Variants in AAAS observed in about 807,000 individuals in gnomAD.
The protein encoded by AAAS is aladin.
AAAS carries 60 observed loss-of-function variants against 75.6 expected under a neutral mutation model. The ratio of observed to expected loss-of-function variants is 0.79; its 90% confidence interval spans 0.64 to 0.98. The LOEUF is 0.98. AAAS is among the 50% of genes least tolerant of loss of function. The pLI is 0.00. For missense variants in AAAS, 658 were observed against 686.9 expected, an observed-to-expected ratio of 0.96 and a Z score of 0.47; for synonymous variants, 271 against 265.0, an observed-to-expected ratio of 1.02 and a Z score of -0.22.
chr12:53,319,698 G>C (rs963983329), intron 2 of AAAS, among the ~76,000 whole-genome samples: 2 of 151,346 alleles, frequency 1.3e-5, no homozygotes, highest in African/African-American at 2.4e-5. Flanking sequence ...CAGCTACTCG[G>C]GAGGCTGAGG....
At chr12:53,310,476 C>G (rs964939432) in intron 7 of AAAS, among the ~76,000 whole-genome samples, 4 of 151,646 alleles carry the variant, frequency 2.6e-5, no homozygotes, top group African/African-American at 9.7e-5. Flanking sequence ...AGGAGAATTG[C>G]TTGAACCCGG....
At chr12:53,308,414 T>C in intron 12 of AAAS, 21 bp downstream of exon 12, 1 of 1,614,120 alleles carries the variant, frequency 6.2e-7, no homozygotes, top group Non-Finnish European at 8.5e-7. Flanking sequence ...TCACTGCCAC[T>C]CCCTCAACCA....
Position 53,319,822 on chromosome 12 carries a change from A to G in AAAS, c.251+743T>C, listed in dbSNP as rs1168600626. On this transcript the variant is annotated intron_variant, in intron 2 of 15. Transcript: ENST00000209873. Reference sequence around the variant, plus strand: ...CGTCTCAAAAAAAAAAAAAAAAAAAAAAAGAAAAAGAAAATGAGCCGGGCG... The same window carrying G: ...CGTCTCAAAAAAAAAAAAAAAAAAAGAAAGAAAAAGAAAATGAGCCGGGCG... 2.8e-5 allele frequency among the ~76,000 whole-genome samples: 4 copies of G among 141,284 alleles called. 1 individual carries two copies. The highest frequency in any genetic ancestry group is 5.2e-5 in the African/African-American group (2 of 38,172). The allele number at this position is 141,284 out of a possible 152,430, so 92.7% of individuals were successfully genotyped here. A position where few individuals can be genotyped will look rare whatever the true frequency, so the allele number is the denominator to read the frequency against.
intron 2 of AAAS, among the ~76,000 whole-genome samples, chr12:53,318,245 CGTGTGTGTGTGTGT>C (rs1165918605): frequency 0.016 from 1,251 of 78,918 alleles, 22 homozygotes; most frequent in South Asian, 0.048. Context: ...TGTGTGTGTG[CGTGTGTGTGTGTGT>C]GTGTGTGTGT....
chr12:53,309,215 G>A lies in AAAS; in HGVS notation c.877C>T (p.Leu293=). ...TTGCTGCCGTCTGGGGACCAGAGCA[G>A]GTTGGTCACCCCACCTCCTCGGAAC... is the stretch of plus-strand genomic sequence containing the variant. ...PWFRGGGVTN[L]LWSPDGSKIL... is the part of the protein sequence containing the mutation. The change falls in exon 9 of 16, where the codon CTG becomes TTG. Residue 293 remains leucine (L), a synonymous_variant. Transcript: ENST00000209873. 2.5e-6 allele frequency: 4 copies of A among 1,614,170 alleles called. No individual in the cohort carries two copies. Among genetic ancestry groups the A allele is most frequent in the Non-Finnish European group, 3.4e-6 (4 of 1,180,040 alleles).
At chr12:53,308,252 T>C (rs753413984) in intron 13 of AAAS, 30 bp downstream of exon 13, 2 of 1,613,980 alleles carry the variant, frequency 1.2e-6, no homozygotes, top group East Asian at 2.2e-5. Context: ...AAGATGGCTG[T>C]GGGCTGAGCC....
chr12:53,316,764 C>CAAAAAAAAAAAAAAAAAAAA (rs34520642), intron 2 of AAAS, among the ~76,000 whole-genome samples: 2 of 77,202 alleles, frequency 2.6e-5, no homozygotes, highest in Non-Finnish European at 4.5e-5. Flanking sequence ...CCATCTCAGA[C>CAAAAAAAAAAAAAAAAAAAA]AAAAAAAAAA....
rs758026430 is a variant in AAAS at position 53,314,401 on chromosome 12, C to T, written c.586G>A (p.Val196Met). Reference sequence around the variant, plus strand: ...AGGGGCTTCCAGGCCAGAGACGCCACATTTCGCTGCAGCCGGTGCTTCAGG... The same window carrying T: ...AGGGGCTTCCAGGCCAGAGACGCCATATTTCGCTGCAGCCGGTGCTTCAGG... ...PSLKHRLQRN[V>M]ASLAWKPLSA... The change falls in exon 7 of 16, where the codon GTG becomes ATG. Residue 196 changes from valine to methionine, a missense_variant. Transcript: ENST00000209873. 3 of 1,614,040 alleles carry T rather than the reference C, an allele frequency of 1.9e-6. No individual in the cohort carries two copies. In the African/African-American group the frequency reaches 4.0e-5, roughly 22 times the overall value.
chr12:53,308,486 A>G lies in AAAS; in HGVS notation c.1130T>C (p.Ile377Thr). 1 of 1,614,124 alleles carries G rather than the reference A, an allele frequency of 6.2e-7. No individual in the cohort carries two copies. Among genetic ancestry groups the G allele is most frequent in the Non-Finnish European group, 8.5e-7 (1 of 1,180,020 alleles). ...TGTTGTCTCAGACAGATCTGCCACA[A>G]TCGTTGCTGACTTTGCACCTCCAAC... is the stretch of plus-strand genomic sequence containing the variant. ...GCVGGAKSAT[I>T]VADLSETTIQ... is the part of the protein sequence containing the mutation. The change falls in exon 12 of 16, where the codon ATT (isoleucine) becomes ACT (threonine). Residue 377 changes from isoleucine to threonine, a missense_variant. Ile to Thr is a moderately conservative substitution (Grantham distance 89). Transcript: ENST00000209873.
chr12:53,307,991 GGTTT>G (rs771513237), intron 14 of AAAS, 57 bp downstream of exon 14: 44 of 1,612,518 alleles, frequency 2.7e-5, no homozygotes, highest in Admixed American at 1.7e-4. Context: ...GTGGGATGTG[GGTTT>G]GTTTGTGCAG....
chr12:53,309,855 G>C, intron 7 of AAAS, 134 bp from the exon 8 acceptor site: 2 of 1,304,868 alleles, frequency 1.5e-6, no homozygotes, highest in Non-Finnish European at 2.1e-6. Flanking sequence ...TGTGAAAAAG[G>C]AATAAGGATT....
intron 6 of AAAS, 66 bp from the exon 7 acceptor site, chr12:53,314,507 G>C: frequency 6.2e-7 from 1 of 1,602,880 alleles, no homozygotes; most frequent in Non-Finnish European, 8.5e-7. Flanking sequence ...CCAGAGTGCA[G>C]TTAAGGAGGG....
In AAAS at chr12:53,307,837, G is replaced by A. The variant is rs370325323; in HGVS notation, c.1416+8C>T. The A allele has an allele frequency of 2.5e-4, 402 of 1,614,010 alleles. No individual in the cohort carries two copies. Among genetic ancestry groups the A allele is most frequent in the Admixed American group, 1.3e-3 (78 of 60,004 alleles). On this transcript the variant is annotated splice_region_variant and intron_variant, in intron 15 of 15. Transcript: ENST00000209873. Reference sequence around the variant, plus strand: ...CTCCTGGAAGCCCCAGCAGCCTGGCGCACTCACCACACTGAGCAGGGCCCC... The same window carrying A: ...CTCCTGGAAGCCCCAGCAGCCTGGCACACTCACCACACTGAGCAGGGCCCC...
rs1473751725 is a variant in AAAS, at chr12:53,321,073, ATAGT to A, written c.123+266_123+269del. 1.2e-5 allele frequency: 7 copies of A among 582,608 alleles called. No individual in the cohort carries two copies. The East Asian group carries it at 2.1e-4, about 18-fold the overall frequency. 36.1% of individuals were successfully genotyped at this position (582,608 alleles called of 1,614,324 possible). A position where few individuals can be genotyped will look rare whatever the true frequency, so the allele number is the denominator to read the frequency against. ...CCCAGATACTGTCCCCAACTTTTAGATAGTTCTCCCGCATCCTCACACTCCCTAG... is the reference window on the plus strand; with the variant it reads ...CCCAGATACTGTCCCCAACTTTTAGATCTCCCGCATCCTCACACTCCCTAG... On this transcript the variant is annotated intron_variant, in intron 1 of 15. Transcript: ENST00000209873.
intron 2 of AAAS, among the ~76,000 whole-genome samples, chr12:53,319,977 G>A (rs1457971269): frequency 6.6e-6 from 1 of 151,936 alleles, no homozygotes; most frequent in African/African-American, 2.4e-5. Context: ...AAAATTAGCT[G>A]GGCGTGGTGG....
At position 53,308,711 on chromosome 12, in the gene AAAS, T is replaced by C; in HGVS notation, c.1087+14A>G. The C allele has an allele frequency of 6.2e-7, 1 of 1,613,980 alleles. No individual in the cohort carries two copies. Among genetic ancestry groups the C allele is most frequent in the Non-Finnish European group, 8.5e-7 (1 of 1,179,928 alleles). On this transcript the variant is annotated intron_variant, in intron 11 of 15. Coordinates refer to ENST00000209873, the MANE Select transcript of AAAS (RefSeq NM_015665.6). The stretch of plus-strand genomic sequence containing the variant: ...TCTGACCACCCCAAATACTGAAGTG[T>C]TGCCCTAACTCACCACAACGTTCTG...
chr12:53,316,698 T>C (rs1167334000), intron 2 of AAAS, among the ~76,000 whole-genome samples: 6 of 136,216 alleles, frequency 4.4e-5, no homozygotes, highest in African/African-American at 8.4e-5. Flanking sequence ...GAGGTGGCGA[T>C]TGCAGTGAGC....
At chr12:53,309,874 T>TA (rs1944359262) in intron 7 of AAAS, 153 bp from the exon 8 acceptor site, 4 of 1,212,602 alleles carry the variant, frequency 3.3e-6, no homozygotes, top group South Asian at 2.7e-5. Flanking sequence ...TTGTGAAAGT[T>TA]AAAAGAAAAA....
At chr12:53,315,067 A>G (rs1467953294) in intron 5 of AAAS, 27 bp downstream of exon 5, 2 of 1,613,726 alleles carry the variant, frequency 1.2e-6, no homozygotes, top group Admixed American at 1.7e-5. Flanking sequence ...CTTCCTTTCC[A>G]CAAAGCTCCA....
Sources: allele counts gnomAD v4.1 joint callset (sites outside exome capture counted in the v4.1 genomes callset), GRCh38; gene constraint gnomAD v4.1.1; transcripts MANE v1.5; gene names NCBI Gene and HGNC (gene_info 2026-07-23, HGNC 2026-07-21).